Variants in ROCK2 observed in about 807,000 individuals in gnomAD.
ROCK2 encodes rho-associated protein kinase 2.
A neutral mutation model predicts 195.1 loss-of-function variants in ROCK2; 61 were observed. The observed-to-expected ratio is 0.31, with a 90% CI of 0.25 to 0.39. ROCK2 has a LOEUF of 0.39. ROCK2 is among the 10% of genes least tolerant of loss of function. ROCK2 has a pLI of 1.00. For missense variants in ROCK2, 1,109 were observed against 1,637.4 expected (o/e 0.68, Z 5.57); for synonymous variants, 504 against 545.5 (o/e 0.92, Z 1.06).
At chr2:11,304,763 A>G (rs927920847) in intron 1 of ROCK2, among the ~76,000 whole-genome samples, 1 of 152,134 alleles carries the variant, frequency 6.6e-6, no homozygotes, top group Admixed American at 6.6e-5. Flanking sequence ...CTTCTGCCAC[A>G]CTGGCCTTCT....
At chr2:11,186,449 C>A (rs2148020793) in intron 32 of ROCK2, among the ~76,000 whole-genome samples, 1 of 152,346 alleles carries the variant, frequency 6.6e-6, no homozygotes, top group South Asian at 2.1e-4. Flanking sequence ...ACTTCCCTTA[C>A]AACCCTCTCC....
intron 1 of ROCK2, among the ~76,000 whole-genome samples, chr2:11,294,277 A>T (rs1667446563): frequency 6.6e-6 from 1 of 152,206 alleles, no homozygotes. Context: ...TTAAATGTAA[A>T]GTTGGTAATT....
At chr2:11,332,059 C>T (rs1319700131) in intron 1 of ROCK2, among the ~76,000 whole-genome samples, 2 of 152,096 alleles carry the variant, frequency 1.3e-5, no homozygotes, top group Non-Finnish European at 2.9e-5. Context: ...AGGAGGACTG[C>T]TTGAGTCCAG....
At chr2:11,191,892 A>C (rs950497261) in intron 32 of ROCK2, among the ~76,000 whole-genome samples, 18 of 152,210 alleles carry the variant, frequency 1.2e-4, no homozygotes, top group Non-Finnish European at 2.9e-5. Flanking sequence ...TTGTACAAAT[A>C]AACATAACAA....
At chr2:11,286,945 T>A (rs1395971876) in intron 2 of ROCK2, among the ~76,000 whole-genome samples, 2 of 152,178 alleles carry the variant, frequency 1.3e-5, no homozygotes, top group Admixed American at 6.5e-5. Flanking sequence ...ACCCAAGCAA[T>A]CCTGGTGTGC....
chr2:11,285,004 T>C (rs1667134888), intron 3 of ROCK2, among the ~76,000 whole-genome samples: 1 of 152,212 alleles, frequency 6.6e-6, no homozygotes, highest in Non-Finnish European at 1.5e-5. Context: ...GGCTCACGCC[T>C]GTAATCCCAG....
At chr2:11,185,549 T>G (rs1374114458) in intron 32 of ROCK2, among the ~76,000 whole-genome samples, 1 of 152,042 alleles carries the variant, frequency 6.6e-6, no homozygotes, top group Non-Finnish European at 1.5e-5. Context: ...GCCAACATGG[T>G]GAAACCATGT....
At chr2:11,280,548 T>G (rs557371643) in intron 3 of ROCK2, among the ~76,000 whole-genome samples, 215 of 152,078 alleles carry the variant, frequency 1.4e-3, no homozygotes, top group African/African-American at 4.9e-3. Flanking sequence ...GAGGATCACT[T>G]GAGCCCAGGA....
chr2:11,306,818 A>G (rs1388650976), intron 1 of ROCK2, among the ~76,000 whole-genome samples: 2 of 152,368 alleles, frequency 1.3e-5, no homozygotes, highest in Admixed American at 6.5e-5. Flanking sequence ...TACTGCAGCC[A>G]GCTAATACAG....
intron 9 of ROCK2, among the ~76,000 whole-genome samples, chr2:11,219,687 T>C (rs1358622118): frequency 6.6e-6 from 1 of 151,634 alleles, no homozygotes; most frequent in Non-Finnish European, 1.5e-5. Context: ...CAGGCTGGAG[T>C]ATAGCGGTAC....
At chr2:11,319,339 C>A (rs1668328548) in intron 1 of ROCK2, among the ~76,000 whole-genome samples, 1 of 152,100 alleles carries the variant, frequency 6.6e-6, no homozygotes, top group African/African-American at 2.4e-5. Context: ...AAGTTGGATT[C>A]CTAGGTATTT....
chr2:11,340,596 T>C (rs879641811), intron 1 of ROCK2, among the ~76,000 whole-genome samples: 1 of 152,222 alleles, frequency 6.6e-6, no homozygotes, highest in Non-Finnish European at 1.5e-5. Flanking sequence ...ATTTTTATTC[T>C]ATTTCATTTT....
At chr2:11,332,126 T>C (rs1242238954) in intron 1 of ROCK2, among the ~76,000 whole-genome samples, 1 of 151,014 alleles carries the variant, frequency 6.6e-6, no homozygotes, top group Non-Finnish European at 1.5e-5. Context: ...GACAACAGAG[T>C]GAGACCCCAT....
chr2:11,317,070 A>C (rs1283007747), intron 1 of ROCK2, among the ~76,000 whole-genome samples: 5 of 152,116 alleles, frequency 3.3e-5, no homozygotes, highest in Non-Finnish European at 7.4e-5. Flanking sequence ...TTAAATTATC[A>C]TGAGTCCAGA....
intron 19 of ROCK2, 39 bp from the exon 20 acceptor site, chr2:11,207,949 A>G (rs765024571): frequency 7.3e-7 from 1 of 1,362,082 alleles, no homozygotes; most frequent in Admixed American, 2.6e-5. Context: ...TAAGTAAATT[A>G]TTTCCATTTT....
chr2:11,271,477 G>A (rs147136119), intron 3 of ROCK2, among the ~76,000 whole-genome samples: 218 of 152,028 alleles, frequency 1.4e-3, no homozygotes, highest in African/African-American at 5.0e-3. Context: ...TATAGCCATG[G>A]CTATTTGTTT....
At position 11,183,174 on chromosome 2, in the gene ROCK2, G is replaced by A. The variant is rs1663068701; in HGVS notation, c.*263C>T. 1 of 364,110 alleles carries A rather than the reference G, an allele frequency of 2.7e-6. No homozygotes were observed. 22.6% of individuals were successfully genotyped at this position (364,110 alleles called of 1,614,324 possible). A position where few individuals can be genotyped will look rare whatever the true frequency, so the allele number is the denominator to read the frequency against. ...ATTGTAGTGTGAGCGACTGCCGAGAGAGCTTTATGGAAAAGTCTGGAAGAG... is the reference window on the plus strand; with the variant it reads ...ATTGTAGTGTGAGCGACTGCCGAGAAAGCTTTATGGAAAAGTCTGGAAGAG... On this transcript the variant is annotated 3_prime_UTR_variant, in exon 33 of 33. Transcript: ENST00000315872.
At chr2:11,216,971 C>G in intron 12 of ROCK2, 119 bp downstream of exon 12, 1 of 532,278 alleles carries the variant, frequency 1.9e-6, no homozygotes, top group Non-Finnish European at 3.4e-6. Flanking sequence ...ATCCACCCAC[C>G]TCGGCCTCCC....
chr2:11,312,351 C>A (rs1331303744), intron 1 of ROCK2, among the ~76,000 whole-genome samples: 3 of 152,004 alleles, frequency 2.0e-5, no homozygotes, highest in Non-Finnish European at 4.4e-5. Flanking sequence ...ATGTATACAT[C>A]CATAAAATCA....
Sources: allele counts gnomAD v4.1 joint callset (sites outside exome capture counted in the v4.1 genomes callset), GRCh38; gene constraint gnomAD v4.1.1; transcripts MANE v1.5; gene names NCBI Gene and HGNC (gene_info 2026-07-23, HGNC 2026-07-21).